Variants in B3GNT3 observed in about 807,000 individuals in gnomAD.
B3GNT3 encodes the protein UDP-GlcNAc:betaGal beta-1,3-N-acetylglucosaminyltransferase 3.
B3GNT3 carries 7 observed loss-of-function variants against 11.6 expected under a neutral mutation model. The ratio of observed to expected loss-of-function variants is 0.60; its 90% CI spans 0.34 to 1.13. B3GNT3 has a LOEUF of 1.13. Among genes scored for constraint, B3GNT3 ranks in the 50% most tolerant of loss-of-function variants. The pLI, the probability that B3GNT3 is intolerant of heterozygous loss-of-function variation, is 0.03. For missense variants in B3GNT3, 400 were observed against 507.4 expected (o/e 0.79, Z 2.03); for synonymous variants, 201 against 222.1 (o/e 0.90, Z 0.85).
chr19:17,811,725 A>C lies in B3GNT3; in HGVS notation c.722A>C (p.Asn241Thr). The change falls in exon 3 of 3, where the codon AAC becomes ACC. Residue 241 changes from asparagine to threonine, a missense_variant. Asn to Thr is a moderately conservative substitution (Grantham distance 65). Transcript: ENST00000318683. This position sits in a 1 kb window ranked among gnomAD's most constrained non-coding sequence, Gnocchi z 4.1. ...RHLFVGQLIQ[N>T]VGPIRAFWSK... ...CTCTTCGTGGGGCAACTGATCCAAA[A>C]CGTGGGCCCCATCCGGGCTTTTTGG... The C allele has an allele frequency of 6.2e-7, 1 of 1,614,136 alleles. No homozygotes were observed. Among genetic ancestry groups the C allele is most frequent in the Non-Finnish European group, 8.5e-7 (1 of 1,180,020 alleles).
chr19:17,810,334 C>T (rs942780370), intron 2 of B3GNT3, among the ~76,000 whole-genome samples: 4 of 151,902 alleles, frequency 2.6e-5, no homozygotes, highest in Non-Finnish European at 5.9e-5. Context: ...CGCTTGAACC[C>T]TGGAGGCGGA....
intron 1 of B3GNT3, among the ~76,000 whole-genome samples, chr19:17,799,692 A>G (rs968488825): frequency 1.3e-5 from 2 of 152,042 alleles, no homozygotes; most frequent in Non-Finnish European, 2.9e-5. Flanking sequence ...GGGGGTCCCC[A>G]TGGCTGCTTC....
intron 1 of B3GNT3, among the ~76,000 whole-genome samples, chr19:17,803,142 A>T (rs2094168427): frequency 6.6e-6 from 1 of 151,920 alleles, no homozygotes; most frequent in Admixed American, 6.6e-5. Context: ...AGTAGCTGGG[A>T]TTACAGGCGT....
At position 17,807,963 on chromosome 19, in the gene B3GNT3, A is replaced by AGGCCCCCCCCCCCCCCCC; in HGVS notation, c.156_157insGGCCCCCCCCCCCCCCCC (p.Pro52_Pro53insGlyProProProProPro). The AGGCCCCCCCCCCCCCCCC allele has an allele frequency of 8.2e-7, 1 of 1,223,224 alleles. No homozygotes were observed. The highest frequency in any genetic ancestry group is 1.2e-6 in the Non-Finnish European group (1 of 866,406). 75.8% of individuals were successfully genotyped at this position (1,223,224 alleles called of 1,614,324 possible). ...CCGAGGCCCTGGCCTGGCCCACTCC[A>AGGCCCCCCCCCCCCCCCC]CCCACCCGCCCAGCCCCGGCCCCGT... On this transcript the variant is annotated inframe_insertion, in exon 2 of 3. Transcript: ENST00000318683.
At chr19:17,799,360 C>G (rs995991880) in intron 1 of B3GNT3, among the ~76,000 whole-genome samples, 1 of 151,234 alleles carries the variant, frequency 6.6e-6, no homozygotes, top group Non-Finnish European at 1.5e-5. Context: ...CCTCCACCTC[C>G]TGGGTTCAAG....
rs149610635 is a variant in B3GNT3, at chr19:17,811,843, C to T, written c.840C>T (p.Ala280=). 1.2e-4 allele frequency: 191 copies of T among 1,614,224 alleles called. No individual in the cohort carries two copies. The highest frequency in any genetic ancestry group is 1.2e-3 in the African/African-American group (87 of 75,064). Residue 280 remains alanine, a synonymous_variant, in exon 3 of 3, where the codon GCC becomes GCT. Coordinates refer to ENST00000318683, the MANE Select transcript of B3GNT3 (RefSeq NM_014256.4). This position sits in a 1 kb window ranked among gnomAD's most constrained non-coding sequence, Gnocchi z 4.1. ...GCTTCTTGCTGTCCCGCTTCACGGC[C>T]GCTGCCCTGCGCCGTGCTGCCCATG... The part of the protein sequence containing the change: ...GGGFLLSRFT[A]AALRRAAHVL...
intron 1 of B3GNT3, among the ~76,000 whole-genome samples, chr19:17,798,528 G>A (rs1373878818): frequency 6.6e-6 from 1 of 152,094 alleles, no homozygotes; most frequent in African/African-American, 2.4e-5. Context: ...AAAATTAGCT[G>A]GGCATGGTAA....
At chr19:17,794,840 C>T (rs1394963319), upstream of B3GNT3, 1 of 152,446 alleles carries the variant, frequency 6.6e-6, no homozygotes, top group Admixed American at 6.5e-5. Flanking sequence ...TTGTTCATCT[C>T]CAGCCACGGG....
At chr19:17,795,490 ACC>A (rs931667307) in intron 1 of B3GNT3, among the ~76,000 whole-genome samples, 1 of 151,888 alleles carries the variant, frequency 6.6e-6, no homozygotes, top group African/African-American at 2.4e-5. Context: ...GCGGGATCAG[ACC>A]CCCGAGGCGG....
intron 1 of B3GNT3, among the ~76,000 whole-genome samples, chr19:17,801,846 G>C (rs2094166621): frequency 6.6e-6 from 1 of 152,098 alleles, no homozygotes; most frequent in South Asian, 2.1e-4. Flanking sequence ...CCAACACTTT[G>C]GGAGGCTGAG....
At position 17,811,721 on chromosome 19, in the gene B3GNT3, C is replaced by G; in HGVS notation, c.718C>G (p.Gln240Glu). The G allele has an allele frequency of 6.2e-7, 1 of 1,614,240 alleles. No homozygotes were observed. Among genetic ancestry groups the G allele is most frequent in the Non-Finnish European group, 8.5e-7 (1 of 1,180,050 alleles). Reference sequence around the variant, plus strand: ...CCACCTCTTCGTGGGGCAACTGATCCAAAACGTGGGCCCCATCCGGGCTTT... The same window carrying G: ...CCACCTCTTCGTGGGGCAACTGATCGAAAACGTGGGCCCCATCCGGGCTTT... The part of the protein sequence containing the change: ...GRHLFVGQLI[Q>E]NVGPIRAFWS... Residue 240 changes from glutamine to glutamate, a missense_variant, in exon 3 of 3, where the codon CAA becomes GAA. By Grantham distance (29) the Gln-to-Glu change is conservative (BLOSUM62 2). Transcript: ENST00000318683. This position sits in a 1 kb window ranked among gnomAD's most constrained non-coding sequence, Gnocchi z 4.1.
At chr19:17,801,150 TA>T (rs1318003177) in intron 1 of B3GNT3, among the ~76,000 whole-genome samples, 4 of 152,132 alleles carry the variant, frequency 2.6e-5, no homozygotes. Context: ...AATGGATTGT[TA>T]ATGTTCAGTA....
intron 1 of B3GNT3, among the ~76,000 whole-genome samples, chr19:17,798,130 G>A (rs189203960): frequency 7.9e-5 from 12 of 152,280 alleles, no homozygotes; most frequent in Non-Finnish European, 1.0e-4. Context: ...TCCTGCAAGC[G>A]TCCCCAACTT....
At position 17,808,128 on chromosome 19, in the gene B3GNT3, C is replaced by T. The variant is rs1361897449; in HGVS notation, c.321C>T (p.Val107=). Reference sequence around the variant, plus strand: ...CCCCCTCTAAGTGCGCGCAGCCGGTCTTCCTGCTGCTGGTGATCAAGTCCT... The same window carrying T: ...CCCCCTCTAAGTGCGCGCAGCCGGTTTTCCTGCTGCTGGTGATCAAGTCCT... ...DVPPSKCAQP[V]FLLLVIKSSP... is the part of the protein sequence containing the mutation. Residue 107 remains valine, a synonymous_variant, in exon 2 of 3, where the codon GTC becomes GTT. Coordinates refer to ENST00000318683, the MANE Select transcript of B3GNT3 (RefSeq NM_014256.4). 6.2e-7 allele frequency: 1 copy of T among 1,613,660 alleles called. No homozygotes were observed. The highest frequency in any genetic ancestry group is 8.5e-7 in the Non-Finnish European group (1 of 1,179,882).
chr19:17,798,486 C>T (rs778183623), intron 1 of B3GNT3, among the ~76,000 whole-genome samples: 30 of 151,980 alleles, frequency 2.0e-4, no homozygotes, highest in East Asian at 1.9e-4. Flanking sequence ...GCCTAGGTGA[C>T]GTGGTGAAAC....
chr19:17,804,319 C>T (rs1361323701), intron 1 of B3GNT3, among the ~76,000 whole-genome samples: 1 of 146,500 alleles, frequency 6.8e-6, no homozygotes, highest in Non-Finnish European at 1.5e-5. Context: ...GGCTCACTGC[C>T]ACCTCCGCCT....
Position 17,811,483 on chromosome 19 carries a change from G to C in B3GNT3, c.568-88G>C, listed in dbSNP as rs2094180591. 1 of 1,338,474 alleles carries C rather than the reference G, an allele frequency of 7.5e-7. No individual in the cohort carries two copies. The highest frequency in any genetic ancestry group is 1.5e-5 in the African/African-American group (1 of 68,050). 82.9% of individuals were successfully genotyped at this position (1,338,474 alleles called of 1,614,324 possible). ...CTGGATTGTGGACACTTCCTTTCCT[G>C]GGCTTAGTGGGCTGGAGTGGCTAAT... On this transcript the variant is annotated intron_variant, in intron 2 of 2. Coordinates refer to ENST00000318683, the MANE Select transcript of B3GNT3 (RefSeq NM_014256.4). This position sits in a 1 kb window ranked among gnomAD's most constrained non-coding sequence, Gnocchi z 4.1.
intron 1 of B3GNT3, 51 bp from the exon 2 acceptor site, chr19:17,807,707 G>A (rs2147652414): frequency 1.7e-6 from 2 of 1,204,520 alleles, no homozygotes; most frequent in South Asian, 3.1e-5. Flanking sequence ...GGGGGCCACA[G>A]GAAAAGCGCT....
In B3GNT3 at chr19:17,812,311, A is replaced by G; in HGVS notation, c.*189A>G. On this transcript the variant is annotated 3_prime_UTR_variant, in exon 3 of 3. Coordinates refer to ENST00000318683, the MANE Select transcript of B3GNT3 (RefSeq NM_014256.4). ...TTCAAAACCCACCTGGTACTGTTCC[A>G]GCATCTTCCCTGGATGGCTGGAGGA... 1.7e-6 allele frequency: 1 copy of G among 594,382 alleles called. No individual in the cohort carries two copies. The highest frequency in any genetic ancestry group is 2.9e-6 in the Non-Finnish European group (1 of 347,726). 36.8% of individuals were successfully genotyped at this position (594,382 alleles called of 1,614,324 possible).
Sources: gnomAD v4.1 joint callset for allele counts (sites outside exome capture counted in the v4.1 genomes callset) on GRCh38, gnomAD v4.1.1 for gene constraint, Gnocchi (gnomAD v3.1) non-coding constraint, MANE v1.5 for transcripts, NCBI Gene and HGNC (gene_info 2026-07-23, HGNC 2026-07-21) for gene names.